Variants in MDC1 observed in about 807,000 individuals in gnomAD.
MDC1 encodes mediator of DNA damage checkpoint protein 1.
A neutral mutation model predicts 142.5 loss-of-function variants in MDC1; 81 were observed. The observed-to-expected ratio is 0.57, with a 90% CI of 0.47 to 0.68. The LOEUF is 0.68. Ranked by LOEUF, MDC1 falls within the 30% of genes least tolerant of loss-of-function variation. The probability of loss-of-function intolerance (pLI) is 0.00; values close to 1 mark genes in which losing one functional copy is unlikely to be tolerated. For synonymous variants in MDC1, 797 were observed against 968.4 expected, an observed-to-expected ratio of 0.82 and a Z score of 3.29; for missense variants, 2,119 against 2,547.9, an observed-to-expected ratio of 0.83 and a Z score of 3.62.
rs1241663482 is a variant in MDC1 at position 30,711,897 on chromosome 6, T to C, written c.2045A>G (p.Lys682Arg). 6.5e-7 allele frequency: 1 copy of C among 1,532,112 alleles called. No individual in the cohort carries two copies. Among genetic ancestry groups the C allele is most frequent in the Admixed American group, 2.1e-5 (1 of 47,520 alleles). 94.9% of individuals were successfully genotyped at this position (1,532,112 alleles called of 1,614,324 possible). A position where few individuals can be genotyped will look rare whatever the true frequency, so the allele number is the denominator to read the frequency against. The change falls in exon 5 of 15, where the codon AAG becomes AGG. Residue 682 changes from lysine to arginine, a missense_variant. Physicochemically the swap from Lys to Arg is conservative, Grantham distance 26. Transcript: ENST00000376406. ...ACCACCATAGTTGTCTTCAGAGTCCTTGGTCCCACCCACATGTTGTTCTCT... is the reference window on the plus strand; with the variant it reads ...ACCACCATAGTTGTCTTCAGAGTCCCTGGTCCCACCCACATGTTGTTCTCT... ...REREQHVGGT[K>R]DSEDNYGDSE... is the part of the protein sequence containing the mutation.
rs1424500141 is a variant in MDC1, at chr6:30,708,096, C to G, written c.2483G>C (p.Arg828Thr). Residue 828 changes from arginine (R) to threonine (T), a missense_variant, in exon 8 of 15, where the codon AGA becomes ACA. Physicochemically the swap from Arg to Thr is moderately conservative, Grantham distance 71. Coordinates refer to ENST00000376406, the MANE Select transcript of MDC1 (RefSeq NM_014641.3). Reference sequence around the variant, plus strand: ...CTCAGTTTCTCTCTCCAATGGCCCTCTCTCAGGGCCCACCCTCTCTGCTGT... The same window carrying G: ...CTCAGTTTCTCTCTCCAATGGCCCTGTCTCAGGGCCCACCCTCTCTGCTGT... ...KETAERVGPE[R>T]GPLERETEKL... 1.2e-6 allele frequency: 2 copies of G among 1,613,134 alleles called. No individual in the cohort carries two copies. Among genetic ancestry groups the G allele is most frequent in the Non-Finnish European group, 1.7e-6 (2 of 1,180,034 alleles).
Position 30,707,707 on chromosome 6 carries a change from G to T in MDC1, c.2872C>A (p.Gln958Lys), listed in dbSNP as rs1404430729. The change falls in exon 8 of 15, where the codon CAG becomes AAG. Residue 958 changes from glutamine (Q) to lysine (K), a missense_variant. By Grantham distance (53) the Gln-to-Lys change is moderately conservative. Transcript: ENST00000376406. ...RGEPEGGSQD[Q>K]KGQASSPTPE... ...GTTGGGCTGGAGGCCTGCCCTTTCT[G>T]GTCCTGGCTCCCTCCCTCTGGCTCC... is the stretch of plus-strand genomic sequence containing the variant. 6.2e-7 allele frequency: 1 copy of T among 1,613,052 alleles called. No homozygotes were observed. Among genetic ancestry groups the T allele is most frequent in the South Asian group, 1.1e-5 (1 of 91,084 alleles).
In MDC1 at chr6:30,712,573, C is replaced by T. The variant is rs773991078; in HGVS notation, c.1369G>A (p.Val457Met). The T allele has an allele frequency of 1.9e-5, 31 of 1,612,944 alleles. No individual in the cohort carries two copies. Among genetic ancestry groups the T allele is most frequent in the Non-Finnish European group, 2.5e-5 (30 of 1,180,028 alleles). The change falls in exon 5 of 15, where the codon GTG becomes ATG. Residue 457 changes from valine (V) to methionine (M), a missense_variant. Transcript: ENST00000376406. The surrounding 1 kb of genome is among the most constrained non-coding windows in gnomAD (Gnocchi z 4.7). ...TTTERDSDTD[V>M]EEEELPVENR... ...TCCACTGGGAGCTCTTCCTCCTCCA[C>T]GTCTGTGTCACTGTCTCTCTCAGTG...
rs1774461200 is a variant in MDC1 at position 30,709,342 on chromosome 6, A to G, written c.2222-985T>C. 6.6e-6 allele frequency among the ~76,000 whole-genome samples: 1 copy of G among 152,228 alleles called. No homozygotes were observed. Among genetic ancestry groups the G allele is most frequent in the South Asian group, 2.1e-4 (1 of 4,836 alleles). On this transcript the variant is annotated intron_variant, in intron 7 of 14. Coordinates refer to ENST00000376406, the MANE Select transcript of MDC1 (RefSeq NM_014641.3). The surrounding 1 kb of genome is among the most constrained non-coding windows in gnomAD (Gnocchi z 4.2). The stretch of plus-strand genomic sequence containing the variant: ...GGAATTTCCTTCTTTTTAAAGGCTG[A>G]ATAGTATTCCACTGTGTATATATAC...
chr6:30,706,999 G>A (rs1244691205), intron 9 of MDC1, among the ~76,000 whole-genome samples: 2 of 152,078 alleles, frequency 1.3e-5, no homozygotes, highest in Non-Finnish European at 2.9e-5. Flanking sequence ...TATGCTCACT[G>A]GATTTTCCTT....
Position 30,699,911 on chromosome 6 carries a change from T to TCAAAGC in MDC1, c.*548_*553dup, listed in dbSNP as rs2127644057. 1 of 224,450 alleles carries TCAAAGC rather than the reference T, an allele frequency of 4.5e-6. No homozygotes were observed. The highest frequency in any genetic ancestry group is 1.8e-4 in the South Asian group (1 of 5,438). 13.9% of individuals were successfully genotyped at this position (224,450 alleles called of 1,614,324 possible). On this transcript the variant is annotated 3_prime_UTR_variant, in exon 15 of 15. Transcript: ENST00000376406. ...GAAAAGTACAGAGACTTGCCCAAAGTCAAAGCTAAAGATGCTTCCAGAGGC... is the reference window on the plus strand; with the variant it reads ...GAAAAGTACAGAGACTTGCCCAAAGTCAAAGCCAAAGCTAAAGATGCTTCCAGAGGC...
intron 7 of MDC1, 25 bp downstream of exon 7, chr6:30,711,387 C>T (rs62408682): frequency 6.3e-7 from 1 of 1,590,016 alleles, no homozygotes. Context: ...ATTGGGGACA[C>T]AGAGGAGGGA....
At position 30,716,745 on chromosome 6, in the gene MDC1, G is replaced by T; in HGVS notation, c.-4+500C>A. 5.2e-6 allele frequency: 1 copy of T among 192,976 alleles called. No homozygotes were observed. The highest frequency in any genetic ancestry group is 9.5e-6 in the Non-Finnish European group (1 of 105,612). The allele number at this position is 192,976 out of a possible 1,614,324, so 12.0% of individuals were successfully genotyped here. ...CCATCATATTCATTCAATGGTTATGGTATACCTGTTTGAAGTATTTGGTAT... is the reference window on the plus strand; with the variant it reads ...CCATCATATTCATTCAATGGTTATGTTATACCTGTTTGAAGTATTTGGTAT... On this transcript the variant is annotated intron_variant, in intron 1 of 14. Transcript: ENST00000376406. The surrounding 1 kb of genome is among the most constrained non-coding windows in gnomAD (Gnocchi z 4.4).
rs2127660506 is a variant in MDC1, at chr6:30,702,881, A to C, written c.5866-4T>G. ...AGAAGAAACCAGCCTTGCGGGACTA[A>C]GGACGGCAGCAGTCAGCATCAAAGC... On this transcript the variant is annotated splice_polypyrimidine_tract_variant and splice_region_variant and intron_variant, in intron 12 of 14. Coordinates refer to ENST00000376406, the MANE Select transcript of MDC1 (RefSeq NM_014641.3). The C allele has an allele frequency of 6.2e-7, 1 of 1,613,016 alleles. No homozygotes were observed. The highest frequency in any genetic ancestry group is 1.7e-5 in the Admixed American group (1 of 60,026).
rs1313210570 is a variant in MDC1 at position 30,713,703 on chromosome 6, T to G, written c.532A>C (p.Arg178=). ...GTCCTTGATTTTTTTACCATACGCC[T>G]TTCAGAAAGAAAATCTGTCAAGAAC... ...SEEEVDFLSE[R]RMVKKSRTTS... Residue 178 remains arginine (R), a synonymous_variant, in exon 4 of 15, where the codon AGG becomes CGG. Coordinates refer to ENST00000376406, the MANE Select transcript of MDC1 (RefSeq NM_014641.3). This position sits in a 1 kb window ranked among gnomAD's most constrained non-coding sequence, Gnocchi z 4.9. 2 of 1,614,168 alleles carry G rather than the reference T, an allele frequency of 1.2e-6. No homozygotes were observed. The highest frequency in any genetic ancestry group is 1.1e-5 in the South Asian group (1 of 91,066).
Position 30,714,082 on chromosome 6 carries a change from T to C in MDC1, c.238A>G (p.Ile80Val), listed in dbSNP as rs766130801. ...ATAGGTGCCTTGTCCCAGGCTAAGA[T>C]TTCAATCTCTGCATGTTGTTTGGAG... ...SISKQHAEIEILAWDKAPILR... is the reference protein window; with the variant it reads ...SISKQHAEIEVLAWDKAPILR... Residue 80 changes from isoleucine to valine, a missense_variant, in exon 3 of 15, where the codon ATC becomes GTC. Transcript: ENST00000376406. 10 of 1,612,818 alleles carry C rather than the reference T, an allele frequency of 6.2e-6. No homozygotes were observed. The highest frequency in any genetic ancestry group is 4.4e-5 in the South Asian group (4 of 91,076).
At chr6:30,710,144 A>G (rs964924354) in intron 7 of MDC1, among the ~76,000 whole-genome samples, 7 of 151,928 alleles carry the variant, frequency 4.6e-5, no homozygotes, top group African/African-American at 1.7e-4. Flanking sequence ...GTTGGAGTGC[A>G]GTGGTGTGAC....
At position 30,703,023 on chromosome 6, in the gene MDC1, C is replaced by A; in HGVS notation, c.5865+81G>T. ...ATGCCCCTGTCTTCCTGTAACGCCT[C>A]TTCCCTTCCACCACTTTCTAGGGCA... is the stretch of plus-strand genomic sequence containing the variant. On this transcript the variant is annotated intron_variant, in intron 12 of 14. Transcript: ENST00000376406. This position sits in a 1 kb window ranked among gnomAD's most constrained non-coding sequence, Gnocchi z 4.4. The A allele has an allele frequency of 6.3e-7, 1 of 1,578,316 alleles. No homozygotes were observed. The highest frequency in any genetic ancestry group is 8.6e-7 in the Non-Finnish European group (1 of 1,159,636).
At chr6:30,711,315 G>T in intron 7 of MDC1, 97 bp downstream of exon 7, 1 of 1,109,230 alleles carries the variant, frequency 9.0e-7, no homozygotes, top group Non-Finnish European at 1.4e-6. Context: ...AGGTTACAGT[G>T]AGCCGAGACT....
At position 30,706,049 on chromosome 6, in the gene MDC1, G is replaced by C. The variant is rs779002074; in HGVS notation, c.3134C>G (p.Ala1045Gly). The C allele has an allele frequency of 1.2e-6, 2 of 1,600,796 alleles. No individual in the cohort carries two copies. The highest frequency in any genetic ancestry group is 1.7e-6 in the Non-Finnish European group (2 of 1,179,302). The change falls in exon 10 of 15, where the codon GCC becomes GGC. Residue 1045 changes from alanine (A) to glycine (G), a missense_variant. Transcript: ENST00000376406. The stretch of plus-strand genomic sequence containing the variant: ...AAGGGGCTTTTGGGGTGGGGCTGGG[G>C]CTTCAGGTACTGTAGGAGGCAGACA... ...DACLPPTVPEAPAPPQKPLNS... is the reference protein window; with the variant it reads ...DACLPPTVPEGPAPPQKPLNS...
chr6:30,706,641 A>T (rs1291041340), intron 9 of MDC1, among the ~76,000 whole-genome samples: 2 of 147,218 alleles, frequency 1.4e-5, no homozygotes, highest in Non-Finnish European at 3.0e-5. Context: ...AAAAAAAAAA[A>T]AAAAATTAGC....
chr6:30,704,686 G>T lies in MDC1; in HGVS notation c.4497C>A (p.Ser1499=). Residue 1499 remains serine, a synonymous_variant, in exon 10 of 15, where the codon TCC becomes TCA. Coordinates refer to ENST00000376406, the MANE Select transcript of MDC1 (RefSeq NM_014641.3). ...VVPTAPELQA[S]ASTDQPVTSE... ...AGGTGACAGGCTGGTCTGTGGAGGC[G>T]GAAGCCTGTAGCTCAGGGGCTGTGG... The T allele has an allele frequency of 1.9e-5, 31 of 1,611,576 alleles. No homozygotes were observed. The highest frequency in any genetic ancestry group is 2.6e-5 in the Non-Finnish European group (31 of 1,178,758).
rs1287676639 is a variant in MDC1, at chr6:30,709,468, A to C, written c.2222-1111T>G. 6.6e-6 allele frequency among the ~76,000 whole-genome samples: 1 copy of C among 152,236 alleles called. No individual in the cohort carries two copies. The highest frequency in any genetic ancestry group is 1.5e-5 in the Non-Finnish European group (1 of 68,038). ...CATACAATGTACAATGATAAAACCA[A>C]GATAATTGGGATATCCACTATCTCA... On this transcript the variant is annotated intron_variant, in intron 7 of 14. Coordinates refer to ENST00000376406, the MANE Select transcript of MDC1 (RefSeq NM_014641.3). This position sits in a 1 kb window ranked among gnomAD's most constrained non-coding sequence, Gnocchi z 4.2.
intron 8 of MDC1, 26 bp from the exon 9 acceptor site, chr6:30,707,480 G>A (rs1774073358): frequency 6.2e-7 from 1 of 1,613,026 alleles, no homozygotes; most frequent in Non-Finnish European, 8.5e-7. Context: ...ACACAAAGGT[G>A]GCTGAGTTCC....
Sources: allele counts gnomAD v4.1 joint callset (sites outside exome capture counted in the v4.1 genomes callset), GRCh38; gene constraint gnomAD v4.1.1; non-coding constraint Gnocchi (gnomAD v3.1); transcripts MANE v1.5; gene names NCBI Gene and HGNC (gene_info 2026-07-23, HGNC 2026-07-21).